Variants in XPR1 observed in about 807,000 individuals in gnomAD.
XPR1 encodes xenotropic and polytropic retrovirus receptor 1, also known as solute carrier family 53 member 1.
In XPR1, 28 loss-of-function variants were observed where a neutral mutation model predicts 87.5. That is an observed-to-expected ratio of 0.32 (90% CI 0.24 to 0.44). The LOEUF is 0.44. Among genes scored for constraint, XPR1 ranks in the 20% least tolerant of loss-of-function variants. The pLI is 1.00. For missense variants in XPR1, 559 were observed against 862.3 expected (o/e 0.65, Z 4.41); for synonymous variants, 300 against 306.1 (o/e 0.98, Z 0.21).
chr1:180,793,216 A>G (rs1206157296), intron 3 of XPR1, among the ~76,000 whole-genome samples: 1 of 152,140 alleles, frequency 6.6e-6, no homozygotes, highest in African/African-American at 2.4e-5. Context: ...CCGATTAGAT[A>G]ATAGTTACTA....
At chr1:180,773,770 T>C (rs1009624505) in intron 2 of XPR1, among the ~76,000 whole-genome samples, 1 of 152,194 alleles carries the variant, frequency 6.6e-6, no homozygotes, top group African/African-American at 2.4e-5. Flanking sequence ...AATGCAGCTA[T>C]AAAGTATGCT....
At position 180,834,874 on chromosome 1, in the gene XPR1, T is replaced by C. The variant is rs764135006; in HGVS notation, c.1135T>C (p.Phe379Leu). ...KSRFWLLKLL[F>L]RVFTAPFHKV... ...TTTTCTGATTTTTTTTTTCTTTCAG[T>C]TTCGAGTATTTACAGCCCCCTTCCA... Residue 379 changes from phenylalanine (F) to leucine (L), a missense_variant and splice_region_variant, in exon 10 of 15, where the codon TTT becomes CTT. Coordinates refer to ENST00000367590, the MANE Select transcript of XPR1 (RefSeq NM_004736.4). 19 of 1,592,424 alleles carry C rather than the reference T, an allele frequency of 1.2e-5. No homozygotes were observed. The South Asian group carries it at 2.2e-4, about 18-fold the overall frequency.
chr1:180,724,671 C>G (rs968070355), intron 2 of XPR1, among the ~76,000 whole-genome samples: 9 of 151,684 alleles, frequency 5.9e-5, no homozygotes, highest in African/African-American at 2.2e-4. Flanking sequence ...CCACGTGTTG[C>G]CACTCATTGA....
intron 3 of XPR1, 134 bp downstream of exon 3, chr1:180,787,988 T>TA (rs1649220394): frequency 1.3e-5 from 9 of 668,568 alleles, no homozygotes; most frequent in Non-Finnish European, 2.3e-5. Flanking sequence ...GAGGATTTTC[T>TA]TGAGCTGGGA....
chr1:180,782,075 ATATT>A (rs1380490240), intron 2 of XPR1, among the ~76,000 whole-genome samples: 1 of 151,968 alleles, frequency 6.6e-6, no homozygotes, highest in East Asian at 1.9e-4. Context: ...CACTGATTTA[ATATT>A]TATTTAACTC....
chr1:180,792,723 T>C (rs1649431128), intron 3 of XPR1, among the ~76,000 whole-genome samples: 1 of 152,164 alleles, frequency 6.6e-6, no homozygotes, highest in African/African-American at 2.4e-5. Flanking sequence ...AGTTCTCTTC[T>C]GTCACTAAAA....
intron 1 of XPR1, among the ~76,000 whole-genome samples, chr1:180,657,840 G>A (rs1571688797): frequency 6.6e-6 from 1 of 152,100 alleles, no homozygotes; most frequent in South Asian, 2.1e-4. Context: ...TTGATATTTT[G>A]ATAGAGATTG....
At chr1:180,758,241 C>T (rs1647837955) in intron 2 of XPR1, among the ~76,000 whole-genome samples, 1 of 151,302 alleles carries the variant, frequency 6.6e-6, no homozygotes, top group African/African-American at 2.4e-5. Flanking sequence ...ATAAACTAAG[C>T]ACAAAAAGAT....
intron 2 of XPR1, among the ~76,000 whole-genome samples, chr1:180,759,635 C>A (rs1312179707): frequency 6.6e-6 from 1 of 152,080 alleles, no homozygotes; most frequent in Non-Finnish European, 1.5e-5. Context: ...AGCTTACCAA[C>A]CAAAAAAAGT....
Position 180,825,207 on chromosome 1 carries a change from G to A in XPR1, c.997G>A (p.Ala333Thr). The change falls in exon 9 of 15, where the codon GCA becomes ACA. Residue 333 changes from alanine (A) to threonine (T), a missense_variant. By Grantham distance (58) the Ala-to-Thr change is moderately conservative. This residue lies in a region of XPR1 where 264 missense variants were observed against 377.2 expected (regional missense o/e 0.70). Coordinates refer to ENST00000367590, the MANE Select transcript of XPR1 (RefSeq NM_004736.4). Reference protein sequence around the residue: ...LGILWCLSLLACFFAPISVIP... With the variant: ...LGILWCLSLLTCFFAPISVIP... ...GATATTGTGGTGCCTGAGCCTTCTG[G>A]CATGCTTCTTTGCTCCAATTAGTGT... 6.2e-7 allele frequency: 1 copy of A among 1,613,446 alleles called. No homozygotes were observed. Among genetic ancestry groups the A allele is most frequent in the Non-Finnish European group, 8.5e-7 (1 of 1,179,754 alleles).
chr1:180,632,672 GC>G (rs1654629825), intron 1 of XPR1, among the ~76,000 whole-genome samples: 1 of 152,200 alleles, frequency 6.6e-6, no homozygotes, highest in Non-Finnish European at 1.5e-5. Context: ...CTGGGCGAGC[GC>G]CCCCTCGCCA....
intron 2 of XPR1, among the ~76,000 whole-genome samples, chr1:180,702,148 G>T (rs551547654): frequency 1.3e-5 from 1 of 77,516 alleles, no homozygotes; most frequent in African/African-American, 6.0e-5. Flanking sequence ...CTTTGTTCTC[G>T]TTGGTTTCAA....
At chr1:180,775,542 T>C (rs1648682088) in intron 2 of XPR1, among the ~76,000 whole-genome samples, 2 of 152,218 alleles carry the variant, frequency 1.3e-5, no homozygotes, top group Admixed American at 6.5e-5. Context: ...TCAGTCTTAA[T>C]AATAATTTTG....
At position 180,885,080 on chromosome 1, in the gene XPR1, A is replaced by G. The variant is rs933356177; in HGVS notation, c.*1014A>G. The G allele has an allele frequency of 1.3e-5, 2 of 152,574 alleles. No individual in the cohort carries two copies. The highest frequency in any genetic ancestry group is 2.9e-5 in the Non-Finnish European group (2 of 68,024). 9.5% of individuals were successfully genotyped at this position (152,574 alleles called of 1,614,324 possible). A position where few individuals can be genotyped will look rare whatever the true frequency, so the allele number is the denominator to read the frequency against. On this transcript the variant is annotated 3_prime_UTR_variant, in exon 15 of 15. Coordinates refer to ENST00000367590, the MANE Select transcript of XPR1 (RefSeq NM_004736.4). ...AAGCTATGCCTTATTATGCATCCAC[A>G]TGTATGGTCCCTGTAGCGTGACCTT...
At position 180,659,643 on chromosome 1, in the gene XPR1, C is replaced by T. The variant is rs375030037; in HGVS notation, c.70-22717C>T. Among the ~76,000 whole-genome samples the T allele has an allele frequency of 4.6e-4, 65 of 141,672 alleles. No homozygotes were observed. In the East Asian group the frequency reaches 0.013, roughly 29 times the overall value. The allele number at this position is 141,672 out of a possible 152,430, so 92.9% of individuals were successfully genotyped here. On this transcript the variant is annotated intron_variant, in intron 1 of 14. Transcript: ENST00000367590. ...AAGCGATTCTCCTGCTTCAGCCTCC[C>T]GAGTAGCTGGGATTACAGGCACCTG...
chr1:180,750,408 TAC>T (rs1424610989), intron 2 of XPR1, among the ~76,000 whole-genome samples: 1 of 152,174 alleles, frequency 6.6e-6, no homozygotes, highest in Non-Finnish European at 1.5e-5. Context: ...AGTAAGCCTT[TAC>T]ACGTTTTTGG....
At chr1:180,708,913 G>A (rs1222412011) in intron 2 of XPR1, among the ~76,000 whole-genome samples, 1 of 93,874 alleles carries the variant, frequency 1.1e-5, no homozygotes, top group African/African-American at 4.5e-5. Context: ...TTTTTTTGGG[G>A]GGGGGGGGGC....
intron 2 of XPR1, among the ~76,000 whole-genome samples, chr1:180,734,808 G>A (rs915856159): frequency 6.6e-6 from 1 of 152,168 alleles, no homozygotes; most frequent in Non-Finnish European, 1.5e-5. Context: ...TTTTGAGTGG[G>A]GTGGGGTGTC....
At chr1:180,808,739 G>C (rs942555906) in intron 6 of XPR1, among the ~76,000 whole-genome samples, 5 of 151,930 alleles carry the variant, frequency 3.3e-5, no homozygotes, top group African/African-American at 1.2e-4. Flanking sequence ...TTAAAACCAC[G>C]GTAAGATAAT....
Sources: allele counts gnomAD v4.1 joint callset (sites outside exome capture counted in the v4.1 genomes callset), GRCh38; gene constraint gnomAD v4.1.1; regional missense constraint gnomAD v4.1.1; transcripts MANE v1.5; gene names NCBI Gene and HGNC (gene_info 2026-07-23, HGNC 2026-07-21).